GOLM2: variants seen among roughly 807,000 people sequenced by gnomAD.
The protein encoded by GOLM2 is golgi membrane protein 2, also known as protein GOLM2.
GOLM2 carries 26 observed loss-of-function variants against 55.9 expected under a neutral mutation model. That is an observed-to-expected ratio of 0.47 (90% CI 0.34 to 0.65). The LOEUF is 0.65. Ranked by LOEUF, GOLM2 falls within the 30% of genes least tolerant of loss-of-function variation. The probability of loss-of-function intolerance (pLI) is 0.01; values close to 1 mark genes in which losing one functional copy is unlikely to be tolerated. For synonymous variants in GOLM2, 165 were observed against 194.6 expected, an observed-to-expected ratio of 0.85 and a Z score of 1.27; for missense variants, 486 against 531.8, an observed-to-expected ratio of 0.91 and a Z score of 0.85.
At chr15:44,393,614 TTTTGTTTG>T (rs1017276494) in intron 8 of GOLM2, among the ~76,000 whole-genome samples, 1 of 152,168 alleles carries the variant, frequency 6.6e-6, no homozygotes, top group Non-Finnish European at 1.5e-5. Flanking sequence ...AATGCTCTTT[TTTTGTTTG>T]TTTGTTTGTT....
At chr15:44,315,021 A>G (rs2078899735) in intron 1 of GOLM2, among the ~76,000 whole-genome samples, 1 of 152,228 alleles carries the variant, frequency 6.6e-6, no homozygotes, top group South Asian at 2.1e-4. Flanking sequence ...TAACCATGCT[A>G]TAGATGAATA....
intron 1 of GOLM2, among the ~76,000 whole-genome samples, chr15:44,317,140 A>T (rs562682574): frequency 6.6e-6 from 1 of 152,314 alleles, no homozygotes; most frequent in South Asian, 2.1e-4. Context: ...AAGCAGATTT[A>T]AAATGGAGTA....
At chr15:44,325,669 T>C (rs533543041) in intron 2 of GOLM2, among the ~76,000 whole-genome samples, 118 of 152,332 alleles carry the variant, frequency 7.7e-4, no homozygotes, top group South Asian at 4.3e-3. Context: ...TAGCTTTCAG[T>C]TCTAGAAACT....
chr15:44,403,061 G>C lies in GOLM2; in HGVS notation c.1240+7G>C. ...GGAGAGGAAGACGTCCAAGGTGAGC[G>C]TGGGCCTGGCCTCCATGCTATAACC... On this transcript the variant is annotated splice_region_variant and intron_variant, in intron 9 of 9. Coordinates refer to ENST00000299957, the MANE Select transcript of GOLM2 (RefSeq NM_138423.4). 1 of 1,613,990 alleles carries C rather than the reference G, an allele frequency of 6.2e-7. No homozygotes were observed. Among genetic ancestry groups the C allele is most frequent in the South Asian group, 1.1e-5 (1 of 91,072 alleles).
At chr15:44,397,080 G>T (rs2079531136) in intron 8 of GOLM2, among the ~76,000 whole-genome samples, 1 of 152,064 alleles carries the variant, frequency 6.6e-6, no homozygotes, top group Non-Finnish European at 1.5e-5. Context: ...TACTCCCCTA[G>T]CTGGGCACAG....
chr15:44,292,283 C>T (rs1484292426), intron 1 of GOLM2, among the ~76,000 whole-genome samples: 2 of 146,438 alleles, frequency 1.4e-5, no homozygotes, highest in African/African-American at 2.5e-5. Flanking sequence ...CTGCAAGCTC[C>T]GCCTCCTGGG....
chr15:44,358,536 C>G (rs1299623776), intron 6 of GOLM2, among the ~76,000 whole-genome samples: 1 of 151,976 alleles, frequency 6.6e-6, no homozygotes, highest in Non-Finnish European at 1.5e-5. Flanking sequence ...TGAAACAGAA[C>G]AGAGAGTCCA....
chr15:44,352,976 C>CT (rs1224911973), intron 6 of GOLM2, among the ~76,000 whole-genome samples: 1 of 150,086 alleles, frequency 6.7e-6, no homozygotes, highest in Non-Finnish European at 1.5e-5. Flanking sequence ...TATTTGCAAA[C>CT]TATCTATCTG....
rs952897664 is a variant in GOLM2 at position 44,384,744 on chromosome 15, C to G, written c.1072+3768C>G. ...CCTGGGCGACAGAGCGAGACTCCAT[C>G]TCAAAAAAAAAAAAATTAGCTGGGC... On this transcript the variant is annotated intron_variant, in intron 8 of 9. Coordinates refer to ENST00000299957, the MANE Select transcript of GOLM2 (RefSeq NM_138423.4). Among the ~76,000 whole-genome samples, 63 of 144,922 alleles carry G rather than the reference C, an allele frequency of 4.3e-4. 1 individual carries two copies. Among genetic ancestry groups the G allele is most frequent in the Non-Finnish European group, 5.0e-4 (33 of 66,198 alleles).
rs1381306971 is a variant in GOLM2 at position 44,414,947 on chromosome 15, GT to G, written c.*1545del. On this transcript the variant is annotated 3_prime_UTR_variant, in exon 10 of 10. Coordinates refer to ENST00000299957, the MANE Select transcript of GOLM2 (RefSeq NM_138423.4). The stretch of plus-strand genomic sequence containing the variant: ...TTATCCTGCCCCCTAAAAACAAAAG[GT>G]TTTGATCACAAGGGGAAATTTAAGA... The G allele has an allele frequency of 2.6e-5, 4 of 152,542 alleles. No homozygotes were observed. Among genetic ancestry groups the G allele is most frequent in the Non-Finnish European group, 5.9e-5 (4 of 68,006 alleles). 9.4% of individuals were successfully genotyped at this position (152,542 alleles called of 1,614,324 possible). A position where few individuals can be genotyped will look rare whatever the true frequency, so the allele number is the denominator to read the frequency against.
intron 8 of GOLM2, chr15:44,390,513 G>T (rs1468978229): frequency 6.6e-6 from 1 of 152,050 alleles, no homozygotes; most frequent in Admixed American, 6.6e-5. Flanking sequence ...AAGGAACACT[G>T]GAGAGGCAAG....
intron 1 of GOLM2, among the ~76,000 whole-genome samples, chr15:44,309,251 A>G (rs374194294): frequency 3.3e-5 from 5 of 152,292 alleles, no homozygotes; most frequent in African/African-American, 1.2e-4. Flanking sequence ...AAATAGAACT[A>G]TATTATGATC....
chr15:44,361,320 G>C (rs1372709251), intron 6 of GOLM2, among the ~76,000 whole-genome samples: 1 of 152,162 alleles, frequency 6.6e-6, no homozygotes, highest in Non-Finnish European at 1.5e-5. Flanking sequence ...AAAGAAAAAA[G>C]AGAGAAGAAT....
chr15:44,379,212 C>T (rs1441675043), intron 6 of GOLM2, among the ~76,000 whole-genome samples: 1 of 152,162 alleles, frequency 6.6e-6, no homozygotes, highest in Non-Finnish European at 1.5e-5. Context: ...CGCGGCGGCT[C>T]ACACCTATAA....
intron 6 of GOLM2, among the ~76,000 whole-genome samples, chr15:44,363,177 G>A (rs1218091794): frequency 2.6e-5 from 4 of 151,938 alleles, no homozygotes; most frequent in Admixed American, 1.3e-4. Flanking sequence ...GGCAACAAAA[G>A]CCAAAATTGA....
chr15:44,303,454 CAA>C (rs910027859), intron 1 of GOLM2, among the ~76,000 whole-genome samples: 6 of 151,994 alleles, frequency 3.9e-5, no homozygotes, highest in African/African-American at 1.2e-4. Context: ...TTTAGAAACT[CAA>C]AAATATTTTT....
chr15:44,373,475 G>C (rs2079343410), intron 6 of GOLM2, among the ~76,000 whole-genome samples: 1 of 148,520 alleles, frequency 6.7e-6, no homozygotes, highest in South Asian at 2.1e-4. Context: ...AACAGTTTTG[G>C]CAGGGCACAG....
chr15:44,344,351 G>T (rs1011122184), intron 6 of GOLM2, among the ~76,000 whole-genome samples: 1 of 151,072 alleles, frequency 6.6e-6, no homozygotes, highest in Non-Finnish European at 1.5e-5. Flanking sequence ...TGTGCCTAGG[G>T]TTAGCATTTT....
At chr15:44,384,585 A>C (rs1011444328) in intron 8 of GOLM2, among the ~76,000 whole-genome samples, 2 of 152,144 alleles carry the variant, frequency 1.3e-5, no homozygotes, top group African/African-American at 4.8e-5. Flanking sequence ...TCTCTACTAA[A>C]AATACAAAAA....
Sources: gnomAD v4.1 joint callset for allele counts (sites outside exome capture counted in the v4.1 genomes callset) on GRCh38, gnomAD v4.1.1 for gene constraint, MANE v1.5 for transcripts, NCBI Gene and HGNC (gene_info 2026-07-23, HGNC 2026-07-21) for gene names.